SMAD7: variants seen among roughly 807,000 people sequenced by gnomAD.
SMAD7 encodes the protein MAD (mothers against decapentaplegic, Drosophila) homolog 7.
Under a neutral mutation model 38.7 loss-of-function variants are expected in SMAD7, and 8 were observed. The observed-to-expected ratio is 0.21, with a 90% confidence interval of 0.12 to 0.37. SMAD7 has a LOEUF of 0.37. Among genes scored for constraint, SMAD7 ranks in the 10% least tolerant of loss-of-function variants. SMAD7 has a pLI of 1.00. For synonymous variants in SMAD7, 327 were observed against 265.1 expected, an observed-to-expected ratio of 1.23 and a Z score of -2.27; for missense variants, 477 against 577.9, an observed-to-expected ratio of 0.83 and a Z score of 1.79.
At position 48,950,338 on chromosome 18, in the gene SMAD7, C is replaced by G. The variant is rs1180015903; in HGVS notation, c.87G>C (p.Gly29=). 7 of 1,542,406 alleles carry G rather than the reference C, an allele frequency of 4.5e-6. No individual in the cohort carries two copies. In the Admixed American group the frequency reaches 1.4e-4, roughly 30 times the overall value. Residue 29 remains glycine (G), a synonymous_variant, in exon 1 of 4, where the codon GGG becomes GGC. Transcript: ENST00000262158. ...GCAGCTCGCCTCCTCCTCCACCTCCCCCTGCGCCCTCCTCCTCGTCCTCGC... is the reference window on the plus strand; with the variant it reads ...GCAGCTCGCCTCCTCCTCCACCTCCGCCTGCGCCCTCCTCCTCGTCCTCGC... ...PGGEDEEEGA[G]GGGGGGELRG... is the part of the protein sequence containing the mutation.
intron 1 of SMAD7, among the ~76,000 whole-genome samples, 156 bp downstream of exon 1, chr18:48,949,656 G>A (rs1480854922): frequency 6.7e-6 from 1 of 149,150 alleles, no homozygotes; most frequent in East Asian, 2.0e-4. Flanking sequence ...CTTCCCAGGA[G>A]GGTATGCACA....
At chr18:48,935,949 C>T (rs1003271375) in intron 3 of SMAD7, among the ~76,000 whole-genome samples, 1 of 152,082 alleles carries the variant, frequency 6.6e-6, no homozygotes, top group Non-Finnish European at 1.5e-5. Flanking sequence ...GTGTGGCACG[C>T]CTGTAATCCC....
At chr18:48,931,572 C>A (rs755032738) in intron 3 of SMAD7, among the ~76,000 whole-genome samples, 5 of 152,228 alleles carry the variant, frequency 3.3e-5, no homozygotes, top group Admixed American at 6.5e-5. Flanking sequence ...GAACTACAAC[C>A]TTTTTATTTT....
rs373988420 is a variant in SMAD7, at chr18:48,923,142, C to T, written c.743-1232G>A. Among the ~76,000 whole-genome samples, 7 of 152,140 alleles carry T rather than the reference C, an allele frequency of 4.6e-5. No homozygotes were observed. The South Asian group carries it at 1.0e-3, about 23-fold the overall frequency. ...TATTTGTTAACAAAAATGGGGACAGCAGAGGGGGAAAAGCAGAGGGGAAGG... is the reference window on the plus strand; with the variant it reads ...TATTTGTTAACAAAAATGGGGACAGTAGAGGGGGAAAAGCAGAGGGGAAGG... On this transcript the variant is annotated intron_variant, in intron 3 of 3. Transcript: ENST00000262158.
At chr18:48,924,552 C>G (rs962585639) in intron 3 of SMAD7, among the ~76,000 whole-genome samples, 9 of 152,164 alleles carry the variant, frequency 5.9e-5, no homozygotes, top group Non-Finnish European at 1.0e-4. Context: ...CCAGACACCC[C>G]CTGGAAAAAG....
chr18:48,943,951 T>A (rs2070169656), intron 2 of SMAD7, among the ~76,000 whole-genome samples: 1 of 151,870 alleles, frequency 6.6e-6, no homozygotes, highest in Admixed American at 6.6e-5. Flanking sequence ...GGGGCAGAAG[T>A]GGAGGCAGGC....
At chr18:48,941,373 C>T (rs1018881822) in intron 3 of SMAD7, among the ~76,000 whole-genome samples, 7 of 152,204 alleles carry the variant, frequency 4.6e-5, no homozygotes, top group Non-Finnish European at 7.3e-5. Context: ...TCCCTAAAGA[C>T]GTTCTCAGCA....
Position 48,921,659 on chromosome 18 carries a change from C to T in SMAD7, c.994G>A (p.Val332Met), listed in dbSNP as rs752841218. 5 of 1,613,324 alleles carry T rather than the reference C, an allele frequency of 3.1e-6. No individual in the cohort carries two copies. The highest frequency in any genetic ancestry group is 4.2e-6 in the Non-Finnish European group (5 of 1,179,590). The stretch of plus-strand genomic sequence containing the variant: ...ATGGGGTAACTGCTGCGGTTGTACA[C>T]CCACACACCATCCACCTCCCGCGTC... Reference protein sequence around the residue: ...QLTREVDGVWVYNRSSYPIFI... With the variant: ...QLTREVDGVWMYNRSSYPIFI... The change falls in exon 4 of 4, where the codon GTG becomes ATG. Residue 332 changes from valine to methionine, a missense_variant. By Grantham distance (21) the Val-to-Met change is conservative (BLOSUM62 1). Coordinates refer to ENST00000262158, the MANE Select transcript of SMAD7 (RefSeq NM_005904.4). This position sits in a 1 kb window ranked among gnomAD's most constrained non-coding sequence, Gnocchi z 6.4.
At chr18:48,936,419 C>T (rs2070066971) in intron 3 of SMAD7, among the ~76,000 whole-genome samples, 1 of 152,232 alleles carries the variant, frequency 6.6e-6, no homozygotes, top group Non-Finnish European at 1.5e-5. Flanking sequence ...AACTGTGCAA[C>T]CATCACCACT....
In SMAD7 at chr18:48,924,880, T is replaced by C. The variant is rs528287185; in HGVS notation, c.743-2970A>G. ...ACCCTTGTGTGGACATCACACCTTCTGGGGACCCCGCACGACATCCCCCAT... is the reference window on the plus strand; with the variant it reads ...ACCCTTGTGTGGACATCACACCTTCCGGGGACCCCGCACGACATCCCCCAT... On this transcript the variant is annotated intron_variant, in intron 3 of 3. Coordinates refer to ENST00000262158, the MANE Select transcript of SMAD7 (RefSeq NM_005904.4). Among the ~76,000 whole-genome samples, 3 of 152,330 alleles carry C rather than the reference T, an allele frequency of 2.0e-5. No individual in the cohort carries two copies. In the South Asian group the frequency reaches 6.2e-4, roughly 32 times the overall value.
In SMAD7 at chr18:48,950,413, G is replaced by A; in HGVS notation, c.12C>T (p.Thr4=). Residue 4 remains threonine (T), a synonymous_variant, in exon 1 of 4, where the codon ACC becomes ACT. Transcript: ENST00000262158. ...GACGCCGGACGAGCGCAGATCGTTTGGTCCTGAACATGCGGGGCGAGGAGG... is the reference window on the plus strand; with the variant it reads ...GACGCCGGACGAGCGCAGATCGTTTAGTCCTGAACATGCGGGGCGAGGAGG... MFR[T]KRSALVRRLW... 6.5e-7 allele frequency: 1 copy of A among 1,550,124 alleles called. No homozygotes were observed. The highest frequency in any genetic ancestry group is 8.7e-7 in the Non-Finnish European group (1 of 1,150,114).
At chr18:48,923,555 C>T (rs112540150) in intron 3 of SMAD7, among the ~76,000 whole-genome samples, 4,420 of 152,204 alleles carry the variant, frequency 0.029, 178 homozygotes, top group East Asian at 0.15. Context: ...GTGCACACTG[C>T]GGCCTGCTGG....
rs755279471 is a variant in SMAD7 at position 48,949,824 on chromosome 18, G to A, written c.601C>T (p.Leu201Phe). 3.1e-6 allele frequency: 5 copies of A among 1,608,624 alleles called. No homozygotes were observed. The highest frequency in any genetic ancestry group is 1.7e-5 in the Admixed American group (1 of 59,210). ...GACAACTTCTCACCTAGTTCGCAGA[G>A]TCGGCTAAGGTGATGGGGGTTGCAG... ...VCCNPHHLSRLCELESPPPPY... is the reference protein window; with the variant it reads ...VCCNPHHLSRFCELESPPPPY... The change falls in exon 1 of 4, where the codon CTC becomes TTC. Residue 201 changes from leucine to phenylalanine, a missense_variant. Leu to Phe is a conservative substitution (Grantham distance 22). Coordinates refer to ENST00000262158, the MANE Select transcript of SMAD7 (RefSeq NM_005904.4).
chr18:48,940,034 T>C (rs2070119087), intron 3 of SMAD7, among the ~76,000 whole-genome samples: 1 of 152,130 alleles, frequency 6.6e-6, no homozygotes, highest in African/African-American at 2.4e-5. Flanking sequence ...AGTTCCCTTT[T>C]GGAAGGCATT....
chr18:48,942,953 T>C (rs147554468), intron 2 of SMAD7: 5 of 219,884 alleles, frequency 2.3e-5, no homozygotes, highest in Admixed American at 6.3e-5. Flanking sequence ...TTGGAGCCCA[T>C]GTCCTCTCTG....
rs1568296083 is a variant in SMAD7 at position 48,920,655 on chromosome 18, G to GCTAC, written c.*713_*716dup. The GCTAC allele has an allele frequency of 6.6e-6, 1 of 152,616 alleles. No individual in the cohort carries two copies. Among genetic ancestry groups the GCTAC allele is most frequent in the Non-Finnish European group, 1.5e-5 (1 of 68,286 alleles). 9.5% of individuals were successfully genotyped at this position (152,616 alleles called of 1,614,324 possible). The stretch of plus-strand genomic sequence containing the variant: ...GAGCAGATGGCCAAAAAAGAAAGAC[G>GCTAC]CTACAATGGCAGGGGCTGGCAGGAA... On this transcript the variant is annotated 3_prime_UTR_variant, in exon 4 of 4. Transcript: ENST00000262158.
At chr18:48,949,692 T>C (rs748963175) in intron 1 of SMAD7, 120 bp downstream of exon 1, 18 of 1,113,312 alleles carry the variant, frequency 1.6e-5, no homozygotes, top group Non-Finnish European at 1.9e-5. Flanking sequence ...ATGCACACTC[T>C]CCCAGGAGGG....
At chr18:48,923,779 G>A (rs9960896) in intron 3 of SMAD7, among the ~76,000 whole-genome samples, 2,111 of 152,252 alleles carry the variant, frequency 0.014, 55 homozygotes, top group African/African-American at 0.049. Flanking sequence ...GTGCATGTGC[G>A]TGTGCAAGAC....
Position 48,921,274 on chromosome 18 carries a change from G to A in SMAD7, c.*98C>T. 1 of 1,083,508 alleles carries A rather than the reference G, an allele frequency of 9.2e-7. No individual in the cohort carries two copies. Among genetic ancestry groups the A allele is most frequent in the Non-Finnish European group, 1.3e-6 (1 of 759,772 alleles). The allele number at this position is 1,083,508 out of a possible 1,614,324, so 67.1% of individuals were successfully genotyped here. ...CAAACAAAAAAAAAACGACCAAAGA[G>A]TTTGCATGAAAAGCAAGCACTCAGG... On this transcript the variant is annotated 3_prime_UTR_variant, in exon 4 of 4. Transcript: ENST00000262158. The surrounding 1 kb of genome is among the most constrained non-coding windows in gnomAD (Gnocchi z 6.4).
Sources: gnomAD v4.1 joint callset for allele counts (sites outside exome capture counted in the v4.1 genomes callset) on GRCh38, gnomAD v4.1.1 for gene constraint, Gnocchi (gnomAD v3.1) non-coding constraint, MANE v1.5 for transcripts, NCBI Gene and HGNC (gene_info 2026-07-23, HGNC 2026-07-21) for gene names.